ARPP19: variants seen among roughly 807,000 people sequenced by gnomAD.
ARPP19 encodes the protein cAMP regulated phosphoprotein 19, also known as cAMP-regulated phosphoprotein 19.
In ARPP19, 8 loss-of-function variants were observed where a neutral mutation model predicts 12.0. That is an observed-to-expected ratio of 0.67 (90% CI 0.39 to 1.21). The LOEUF is 1.21. Among genes scored for constraint, ARPP19 ranks in the 50% most tolerant of loss-of-function variants. The pLI is 0.01. For synonymous variants in ARPP19, 47 were observed against 50.4 expected, an observed-to-expected ratio of 0.93 and a Z score of 0.29; for missense variants, 102 against 136.3, an observed-to-expected ratio of 0.75 and a Z score of 1.25.
intron 1 of ARPP19, among the ~76,000 whole-genome samples, chr15:52,566,858 T>G (rs1485535282): frequency 2.6e-5 from 4 of 152,208 alleles, no homozygotes; most frequent in Non-Finnish European, 5.9e-5. Flanking sequence ...TTACCAAGGG[T>G]GCACACACCA....
chr15:52,555,227 T>C (rs993230800), intron 2 of ARPP19, among the ~76,000 whole-genome samples: 2 of 152,054 alleles, frequency 1.3e-5, no homozygotes, highest in South Asian at 2.1e-4. Context: ...ACAATGTATA[T>C]GAAATCTGAC....
At position 52,551,233 on chromosome 15, in the gene ARPP19, G is replaced by C. The variant is rs1445167373; in HGVS notation, c.*701C>G. On this transcript the variant is annotated 3_prime_UTR_variant, in exon 3 of 3. Transcript: ENST00000249822. The stretch of plus-strand genomic sequence containing the variant: ...GTATTTACAAAAATGGCACAAAAGT[G>C]AATTCAACAGTTAATGCACATGCAT... 6.6e-6 allele frequency: 1 copy of C among 152,662 alleles called. No homozygotes were observed. Among genetic ancestry groups the C allele is most frequent in the Non-Finnish European group, 1.5e-5 (1 of 68,038 alleles). The allele number at this position is 152,662 out of a possible 1,614,324, so 9.5% of individuals were successfully genotyped here. A position where few individuals can be genotyped will look rare whatever the true frequency, so the allele number is the denominator to read the frequency against.
At chr15:52,566,754 T>C (rs2078085894) in intron 1 of ARPP19, among the ~76,000 whole-genome samples, 1 of 152,202 alleles carries the variant, frequency 6.6e-6, no homozygotes, top group Admixed American at 6.5e-5. Flanking sequence ...CTTAGAGTGG[T>C]ATACAAGTTA....
Position 52,547,768 on chromosome 15 carries a change from C to G in ARPP19, c.*4166G>C, listed in dbSNP as rs2077891413. 1 of 152,108 alleles carries G rather than the reference C, an allele frequency of 6.6e-6. No homozygotes were observed. The highest frequency in any genetic ancestry group is 6.6e-5 in the Admixed American group (1 of 15,248). 9.4% of individuals were successfully genotyped at this position (152,108 alleles called of 1,614,324 possible). A position where few individuals can be genotyped will look rare whatever the true frequency, so the allele number is the denominator to read the frequency against. On this transcript the variant is annotated 3_prime_UTR_variant, in exon 3 of 3. Transcript: ENST00000249822. ...AGTTGGGAATGTGGCTCAAATTAGT[C>G]AATATTGATTAGGATATTGTTTTAG...
chr15:52,563,684 GGA>G (rs1390048308), intron 1 of ARPP19, among the ~76,000 whole-genome samples: 1 of 152,190 alleles, frequency 6.6e-6, no homozygotes, highest in African/African-American at 2.4e-5. Context: ...CTTCGGCAGA[GGA>G]GGGTTATACA....
At chr15:52,559,564 T>C (rs957934628) in intron 1 of ARPP19, among the ~76,000 whole-genome samples, 2 of 152,218 alleles carry the variant, frequency 1.3e-5, no homozygotes, top group Non-Finnish European at 2.9e-5. Context: ...CTCTAGAATT[T>C]TGTCAAGGGT....
chr15:52,548,517 C>A lies in ARPP19; in HGVS notation c.*3417G>T, dbSNP rs1401333207. On this transcript the variant is annotated 3_prime_UTR_variant, in exon 3 of 3. Coordinates refer to ENST00000249822, the MANE Select transcript of ARPP19 (RefSeq NM_006628.6). Reference sequence around the variant, plus strand: ...AAAAAGAATAAAATAAAATAAATCACAAGCCATCCTGAGTGATGAAATCTC... The same window carrying A: ...AAAAAGAATAAAATAAAATAAATCAAAAGCCATCCTGAGTGATGAAATCTC... 6.6e-6 allele frequency: 1 copy of A among 152,212 alleles called. No homozygotes were observed. Among genetic ancestry groups the A allele is most frequent in the Non-Finnish European group, 1.5e-5 (1 of 68,156 alleles). The allele number at this position is 152,212 out of a possible 1,614,324, so 9.4% of individuals were successfully genotyped here.
intron 1 of ARPP19, 98 bp from the exon 2 acceptor site, chr15:52,557,320 G>T: frequency 3.1e-6 from 3 of 955,380 alleles, no homozygotes; most frequent in South Asian, 1.7e-5. Context: ...GTTGTTAAAT[G>T]CCAAGTACCA....
chr15:52,550,235 T>A lies in ARPP19; in HGVS notation c.*1699A>T, dbSNP rs2077916383. 1 of 152,198 alleles carries A rather than the reference T, an allele frequency of 6.6e-6. No homozygotes were observed. Among genetic ancestry groups the A allele is most frequent in the African/African-American group, 2.4e-5 (1 of 41,446 alleles). The allele number at this position is 152,198 out of a possible 1,614,324, so 9.4% of individuals were successfully genotyped here. A position where few individuals can be genotyped will look rare whatever the true frequency, so the allele number is the denominator to read the frequency against. On this transcript the variant is annotated 3_prime_UTR_variant, in exon 3 of 3. Coordinates refer to ENST00000249822, the MANE Select transcript of ARPP19 (RefSeq NM_006628.6). Reference sequence around the variant, plus strand: ...GAGCAGTAAACTTGTCCCAGTAAAGTCTGCTAAGTTCTAACTAGATAAGCC... The same window carrying A: ...GAGCAGTAAACTTGTCCCAGTAAAGACTGCTAAGTTCTAACTAGATAAGCC...
chr15:52,553,603 T>A (rs1473350867), intron 2 of ARPP19, among the ~76,000 whole-genome samples: 1 of 152,178 alleles, frequency 6.6e-6, no homozygotes, highest in Non-Finnish European at 1.5e-5. Flanking sequence ...GCACACACAG[T>A]GCTATATGGT....
chr15:52,553,169 C>A (rs2077951792), intron 2 of ARPP19, among the ~76,000 whole-genome samples: 1 of 152,030 alleles, frequency 6.6e-6, no homozygotes, highest in Non-Finnish European at 1.5e-5. Context: ...AGTGTTTCTG[C>A]AAGAATTTAA....
At chr15:52,559,977 G>C (rs150617007) in intron 1 of ARPP19, among the ~76,000 whole-genome samples, 263 of 152,258 alleles carry the variant, frequency 1.7e-3, no homozygotes, top group African/African-American at 6.2e-3. Context: ...CTTGAGCCTA[G>C]GAAGTGAGAG....
At chr15:52,553,450 T>C (rs1017006306) in intron 2 of ARPP19, among the ~76,000 whole-genome samples, 2 of 152,138 alleles carry the variant, frequency 1.3e-5, no homozygotes, top group African/African-American at 4.8e-5. Flanking sequence ...AACATAAATT[T>C]GCCTGGGTTC....
In ARPP19 at chr15:52,568,672, C is replaced by A; in HGVS notation, c.45+176G>T. ...AGTAAACGCGGGGCACGTTGGAACT[C>A]CCAATTCGTCGGCGCACCAGCCAGC... is the stretch of plus-strand genomic sequence containing the variant. On this transcript the variant is annotated intron_variant, in intron 1 of 2. Coordinates refer to ENST00000249822, the MANE Select transcript of ARPP19 (RefSeq NM_006628.6). 1.0e-5 allele frequency: 5 copies of A among 491,486 alleles called. No homozygotes were observed. The South Asian group carries it at 1.3e-4, about 13-fold the overall frequency. 30.4% of individuals were successfully genotyped at this position (491,486 alleles called of 1,614,324 possible). A position where few individuals can be genotyped will look rare whatever the true frequency, so the allele number is the denominator to read the frequency against.
At chr15:52,554,787 GC>G (rs1364038772) in intron 2 of ARPP19, among the ~76,000 whole-genome samples, 2 of 152,000 alleles carry the variant, frequency 1.3e-5, no homozygotes, top group African/African-American at 4.8e-5. Flanking sequence ...GTAAAAACAG[GC>G]CACACAGCTT....
chr15:52,560,998 C>T (rs1272040598), intron 1 of ARPP19, among the ~76,000 whole-genome samples: 1 of 152,180 alleles, frequency 6.6e-6, no homozygotes, highest in African/African-American at 2.4e-5. Flanking sequence ...CCCTTTTGTT[C>T]CTCTATTCCT....
At chr15:52,568,076 T>C (rs1259796684) in intron 1 of ARPP19, among the ~76,000 whole-genome samples, 5 of 152,260 alleles carry the variant, frequency 3.3e-5, no homozygotes. Context: ...ATTCATAATT[T>C]GAACCACAGT....
At chr15:52,560,858 G>A (rs907025309) in intron 1 of ARPP19, among the ~76,000 whole-genome samples, 1 of 152,178 alleles carries the variant, frequency 6.6e-6, no homozygotes, top group Non-Finnish European at 1.5e-5. Flanking sequence ...GGGACATATG[G>A]CAGATAAACA....
At chr15:52,563,130 T>TC (rs2078050779) in intron 1 of ARPP19, among the ~76,000 whole-genome samples, 1 of 152,138 alleles carries the variant, frequency 6.6e-6, no homozygotes, top group African/African-American at 2.4e-5. Context: ...TGCCTCTGCC[T>TC]CCCAAAGTGC....
Sources: allele counts gnomAD v4.1 joint callset (sites outside exome capture counted in the v4.1 genomes callset), GRCh38; gene constraint gnomAD v4.1.1; transcripts MANE v1.5; gene names NCBI Gene and HGNC (gene_info 2026-07-23, HGNC 2026-07-21).